Variants in GRIK1 observed in about 807,000 individuals in gnomAD.
GRIK1 encodes the protein glutamate receptor ionotropic, kainate 1.
In GRIK1, 69 loss-of-function variants were observed where a neutral mutation model predicts 105.7. The ratio of observed to expected loss-of-function variants is 0.65; its 90% CI spans 0.54 to 0.80. GRIK1 has a LOEUF of 0.80. Among genes scored for constraint, GRIK1 ranks in the 30% least tolerant of loss-of-function variants. The pLI, the probability that GRIK1 is intolerant of heterozygous loss-of-function variation, is 0.00. For synonymous variants in GRIK1, 438 were observed against 431.3 expected, an observed-to-expected ratio of 1.02 and a Z score of -0.19; for missense variants, 1,109 against 1,167.3, an observed-to-expected ratio of 0.95 and a Z score of 0.73.
chr21:29,718,791 A>G (rs1338666358), intron 1 of GRIK1, among the ~76,000 whole-genome samples: 5 of 152,210 alleles, frequency 3.3e-5, no homozygotes, highest in African/African-American at 4.8e-5. Flanking sequence ...GCTGATGTGC[A>G]TAATCAGAAA....
intron 1 of GRIK1, among the ~76,000 whole-genome samples, chr21:29,835,684 C>A (rs1268463522): frequency 6.6e-6 from 1 of 152,148 alleles, no homozygotes; most frequent in Admixed American, 6.5e-5. Context: ...TCCTATAAAT[C>A]CATCTGGTCT....
At chr21:29,923,197 C>T (rs1224413507) in intron 1 of GRIK1, among the ~76,000 whole-genome samples, 1 of 152,138 alleles carries the variant, frequency 6.6e-6, no homozygotes, top group African/African-American at 2.4e-5. Context: ...TGATACTGTC[C>T]TCCTTCAAAA....
intron 1 of GRIK1, among the ~76,000 whole-genome samples, chr21:29,893,591 G>A (rs2069990893): frequency 6.6e-6 from 1 of 152,166 alleles, no homozygotes; most frequent in South Asian, 2.1e-4. Context: ...TTAACCTTCA[G>A]CAAACAGCCT....
intron 15 of GRIK1, among the ~76,000 whole-genome samples, chr21:29,560,519 C>CCTTTCTTTCTTTCTTT (rs1201508832): frequency 1.4e-3 from 80 of 57,786 alleles, no homozygotes; most frequent in Non-Finnish European, 1.7e-3. Context: ...TTCCTTCCTT[C>CCTTTCTTTCTTTCTTT]CTTTCTTTCT....
chr21:29,603,139 G>T (rs914240800), intron 7 of GRIK1, among the ~76,000 whole-genome samples: 3 of 152,038 alleles, frequency 2.0e-5, no homozygotes, highest in African/African-American at 4.8e-5. Context: ...TTAAATGTAA[G>T]GAACCAGTAT....
At chr21:29,861,584 G>GC in intron 1 of GRIK1, 1 of 292,452 alleles carries the variant, frequency 3.4e-6, no homozygotes, top group South Asian at 2.4e-5. Context: ...TGGGATTATA[G>GC]GTGTGAGCCA....
At chr21:29,629,392 C>T (rs2062210650) in intron 7 of GRIK1, among the ~76,000 whole-genome samples, 2 of 152,120 alleles carry the variant, frequency 1.3e-5, no homozygotes, top group Admixed American at 1.3e-4. Context: ...CACAATGTCT[C>T]ATCCTGTGAT....
intron 1 of GRIK1, among the ~76,000 whole-genome samples, chr21:29,818,553 C>T (rs190183718): frequency 2.0e-5 from 3 of 152,018 alleles, no homozygotes; most frequent in Non-Finnish European, 4.4e-5. Context: ...CCCACCACTC[C>T]CCAGCCTCCC....
At chr21:29,607,905 A>G (rs1474126747) in intron 7 of GRIK1, among the ~76,000 whole-genome samples, 1 of 152,198 alleles carries the variant, frequency 6.6e-6, no homozygotes, top group Non-Finnish European at 1.5e-5. Flanking sequence ...ATTTTTATAT[A>G]AACAGTTTTT....
chr21:29,653,587 C>A (rs1461022830), intron 5 of GRIK1, among the ~76,000 whole-genome samples: 1 of 152,186 alleles, frequency 6.6e-6, no homozygotes, highest in Non-Finnish European at 1.5e-5. Flanking sequence ...AGGCAGATGG[C>A]CATGTCACCT....
At chr21:29,593,190 G>T (rs927877129) in intron 9 of GRIK1, among the ~76,000 whole-genome samples, 4 of 152,152 alleles carry the variant, frequency 2.6e-5, no homozygotes, top group South Asian at 4.1e-4. Flanking sequence ...GAAATAAAGA[G>T]ACAGGTATAG....
At chr21:29,704,277 A>G (rs2063864125) in intron 1 of GRIK1, among the ~76,000 whole-genome samples, 1 of 152,160 alleles carries the variant, frequency 6.6e-6, no homozygotes, top group Non-Finnish European at 1.5e-5. Flanking sequence ...TAGAGTACAG[A>G]AAAAGAAAGT....
At chr21:29,695,960 G>T (rs530007696) in intron 1 of GRIK1, among the ~76,000 whole-genome samples, 1 of 152,158 alleles carries the variant, frequency 6.6e-6, no homozygotes, top group East Asian at 1.9e-4. Flanking sequence ...CATCATGCGC[G>T]TCATTTATGT....
chr21:29,819,269 C>T (rs2067235024), intron 1 of GRIK1, among the ~76,000 whole-genome samples: 1 of 152,074 alleles, frequency 6.6e-6, no homozygotes, highest in African/African-American at 2.4e-5. Flanking sequence ...TTCAAATAAG[C>T]TTGAAGCTCT....
At chr21:29,665,422 CAT>C (rs1157992412) in intron 4 of GRIK1, among the ~76,000 whole-genome samples, 2 of 152,152 alleles carry the variant, frequency 1.3e-5, no homozygotes, top group Admixed American at 6.5e-5. Context: ...AATTATATAA[CAT>C]ACTACAAATT....
At chr21:29,878,855 T>C (rs1267421030) in intron 1 of GRIK1, among the ~76,000 whole-genome samples, 1 of 152,118 alleles carries the variant, frequency 6.6e-6, no homozygotes, top group Non-Finnish European at 1.5e-5. Flanking sequence ...ATTTCTATTG[T>C]TTATAAGTCA....
chr21:29,564,966 T>G (rs960925230), intron 14 of GRIK1, among the ~76,000 whole-genome samples: 1 of 152,182 alleles, frequency 6.6e-6, no homozygotes, highest in Non-Finnish European at 1.5e-5. Context: ...GGATTTAAAT[T>G]CAACAACATC....
intron 7 of GRIK1, among the ~76,000 whole-genome samples, chr21:29,608,671 G>C (rs1394567818): frequency 1.3e-5 from 2 of 152,054 alleles, no homozygotes; most frequent in East Asian, 3.8e-4. Context: ...CGTGGTTTCT[G>C]CTTTACTCTC....
intron 1 of GRIK1, among the ~76,000 whole-genome samples, chr21:29,757,567 A>G (rs1240275121): frequency 6.6e-6 from 1 of 152,200 alleles, no homozygotes; most frequent in Non-Finnish European, 1.5e-5. Flanking sequence ...TTTCCTAATA[A>G]ATACCTGCTT....
Sources: gnomAD v4.1 joint callset for allele counts (sites outside exome capture counted in the v4.1 genomes callset) on GRCh38, gnomAD v4.1.1 for gene constraint, MANE v1.5 for transcripts, NCBI Gene and HGNC (gene_info 2026-07-23, HGNC 2026-07-21) for gene names.